SLC35F4: variants seen among roughly 807,000 people sequenced by gnomAD.
SLC35F4 encodes solute carrier family 35 member F4, also known as chromosome 14 open reading frame 36.
SLC35F4 carries 24 observed loss-of-function variants against 44.2 expected under a neutral mutation model. That is an observed-to-expected ratio of 0.54 (90% CI 0.39 to 0.76). The LOEUF is 0.76. Among genes scored for constraint, SLC35F4 ranks in the 30% least tolerant of loss-of-function variants. The probability of loss-of-function intolerance (pLI) is 0.00; values close to 1 mark genes in which losing one functional copy is unlikely to be tolerated. For synonymous variants in SLC35F4, 238 were observed against 223.6 expected, an observed-to-expected ratio of 1.06 and a Z score of -0.57; for missense variants, 562 against 586.1, an observed-to-expected ratio of 0.96 and a Z score of 0.42.
chr14:57,727,081 C>T (rs1319996015), intron 1 of SLC35F4, among the ~76,000 whole-genome samples: 1 of 151,414 alleles, frequency 6.6e-6, no homozygotes. Flanking sequence ...TATTGTGGGA[C>T]CTTGTGATCG....
At chr14:57,690,258 C>G (rs947790483) in intron 1 of SLC35F4, among the ~76,000 whole-genome samples, 1 of 152,116 alleles carries the variant, frequency 6.6e-6, no homozygotes, top group Non-Finnish European at 1.5e-5. Flanking sequence ...CTAGGTACTA[C>G]GAATACAGTA....
intron 1 of SLC35F4, among the ~76,000 whole-genome samples, chr14:57,613,145 C>T (rs1312316446): frequency 6.6e-6 from 1 of 152,196 alleles, no homozygotes; most frequent in East Asian, 1.9e-4. Context: ...CAACTGCTTA[C>T]TATCTTGGGA....
At chr14:57,836,327 G>T (rs553698446) in intron 1 of SLC35F4, among the ~76,000 whole-genome samples, 1 of 151,804 alleles carries the variant, frequency 6.6e-6, no homozygotes, top group Admixed American at 6.6e-5. Context: ...ATGGAGTCTC[G>T]CTGTCACCAG....
chr14:57,566,969 C>G (rs1027983276), intron 6 of SLC35F4, among the ~76,000 whole-genome samples: 3 of 152,228 alleles, frequency 2.0e-5, no homozygotes, highest in Non-Finnish European at 4.4e-5. Context: ...TTAAATGGCT[C>G]TAGTGTTACT....
intron 1 of SLC35F4, among the ~76,000 whole-genome samples, chr14:57,701,675 T>G (rs1230215781): frequency 6.6e-6 from 1 of 152,226 alleles, no homozygotes; most frequent in Non-Finnish European, 1.5e-5. Flanking sequence ...TTGACCTAAA[T>G]GTCGTTACGT....
intron 1 of SLC35F4, among the ~76,000 whole-genome samples, chr14:57,603,351 TC>T (rs1393402037): frequency 1.3e-5 from 2 of 152,230 alleles, no homozygotes; most frequent in Non-Finnish European, 2.9e-5. Flanking sequence ...AACATGGCTA[TC>T]TTAGACTTCT....
At chr14:57,670,902 C>CT (rs35951590) in intron 1 of SLC35F4, among the ~76,000 whole-genome samples, 17,060 of 107,188 alleles carry the variant, frequency 0.16, 2,016 homozygotes, top group East Asian at 0.29. Flanking sequence ...CTCATTCATT[C>CT]TTTTTTTTTT....
chr14:57,801,352 G>C (rs1315485788), intron 1 of SLC35F4, among the ~76,000 whole-genome samples: 1 of 152,148 alleles, frequency 6.6e-6, no homozygotes. Context: ...TGCCTTGCAA[G>C]AGCTCCTGAA....
At chr14:57,724,281 TG>T (rs1407909997) in intron 1 of SLC35F4, among the ~76,000 whole-genome samples, 1 of 152,210 alleles carries the variant, frequency 6.6e-6, no homozygotes, top group Non-Finnish European at 1.5e-5. Context: ...GGATGCTTTT[TG>T]GAGCCTTTGG....
rs143710167 is a variant in SLC35F4 at position 57,716,009 on chromosome 14, G to C, written c.104-121885C>G. Among the ~76,000 whole-genome samples, 80 of 152,220 alleles carry C rather than the reference G, an allele frequency of 5.3e-4. No homozygotes were observed. The East Asian group carries it at 0.013, about 25-fold the overall frequency. ...ATGTACTTTTAAAAGAGGAAGAGTG[G>C]TGATCAGACAGCAGTCAGAAGTAGT... On this transcript the variant is annotated intron_variant, in intron 1 of 7. Transcript: ENST00000556826.
rs1242241208 is a variant in SLC35F4 at position 57,685,616 on chromosome 14, C to G, written c.104-91492G>C. ...TGATGTGCTTCTTTACAGTCCTAAA[C>G]AGAGTCTACTGATCACATCACACTC... On this transcript the variant is annotated intron_variant, in intron 1 of 7. Transcript: ENST00000556826. Among the ~76,000 whole-genome samples, 3 of 152,150 alleles carry G rather than the reference C, an allele frequency of 2.0e-5. No individual in the cohort carries two copies. The East Asian group carries it at 5.8e-4, about 29-fold the overall frequency.
chr14:57,652,390 A>G (rs1341010814), intron 1 of SLC35F4, among the ~76,000 whole-genome samples: 2 of 152,164 alleles, frequency 1.3e-5, no homozygotes, highest in Non-Finnish European at 2.9e-5. Context: ...TCCAACCATC[A>G]TGGGTCCTCA....
chr14:57,727,115 C>CCT (rs200050738), intron 1 of SLC35F4, among the ~76,000 whole-genome samples: 1 of 56,596 alleles, frequency 1.8e-5, no homozygotes, highest in African/African-American at 5.6e-5. Flanking sequence ...TTAATAAGCT[C>CCT]ATATATATAT....
intron 1 of SLC35F4, among the ~76,000 whole-genome samples, chr14:57,758,163 G>A (rs2077041526): frequency 6.6e-6 from 1 of 151,842 alleles, no homozygotes; most frequent in South Asian, 2.1e-4. Context: ...GTCTCTGGCT[G>A]CTTTTAGATT....
intron 1 of SLC35F4, among the ~76,000 whole-genome samples, chr14:57,761,562 C>T (rs2077125414): frequency 6.6e-6 from 1 of 152,074 alleles, no homozygotes; most frequent in Admixed American, 6.6e-5. Flanking sequence ...TATCAAAGCT[C>T]CCTACTGTAC....
At chr14:57,639,567 T>C (rs2073144078) in intron 1 of SLC35F4, among the ~76,000 whole-genome samples, 1 of 152,050 alleles carries the variant, frequency 6.6e-6, no homozygotes, top group Admixed American at 6.6e-5. Flanking sequence ...GTGCCAGATA[T>C]AATTTTAAAA....
intron 1 of SLC35F4, among the ~76,000 whole-genome samples, chr14:57,900,627 T>C (rs908894624): frequency 6.6e-6 from 1 of 152,182 alleles, no homozygotes; most frequent in Non-Finnish European, 1.5e-5. Flanking sequence ...CAGGCAAAGA[T>C]TTCCTGACAA....
chr14:57,662,928 G>C (rs1445846346), intron 1 of SLC35F4, among the ~76,000 whole-genome samples: 1 of 152,148 alleles, frequency 6.6e-6, no homozygotes, highest in Non-Finnish European at 1.5e-5. Flanking sequence ...CACTCCCCTG[G>C]ACTATGGTTG....
chr14:57,836,239 T>A (rs1453214637), intron 1 of SLC35F4, among the ~76,000 whole-genome samples: 1 of 152,208 alleles, frequency 6.6e-6, no homozygotes, highest in African/African-American at 2.4e-5. Context: ...AACTCACTTA[T>A]TGTTCCATAT....
Sources: gnomAD v4.1 joint callset for allele counts (sites outside exome capture counted in the v4.1 genomes callset) on GRCh38, gnomAD v4.1.1 for gene constraint, MANE v1.5 for transcripts, NCBI Gene and HGNC (gene_info 2026-07-23, HGNC 2026-07-21) for gene names.